LYRM4: variants seen among roughly 807,000 people sequenced by gnomAD.
LYRM4 encodes the protein LYR motif-containing protein 4.
In LYRM4, 9 loss-of-function variants were observed where a neutral mutation model predicts 11.7. The observed-to-expected ratio is 0.77, with a 90% CI of 0.46 to 1.34. The LOEUF is 1.34. Ranked by LOEUF, LYRM4 falls within the 40% of genes most tolerant of loss-of-function variation. The pLI, the probability that LYRM4 is intolerant of heterozygous loss-of-function variation, is 0.00. For synonymous variants in LYRM4, 42 were observed against 40.4 expected (o/e 1.04, Z -0.15); for missense variants, 133 against 112.5 (o/e 1.18, Z -0.82).
intron 2 of LYRM4, among the ~76,000 whole-genome samples, chr6:5,114,057 A>C (rs1581295878): frequency 6.6e-6 from 1 of 152,166 alleles, no homozygotes; most frequent in Non-Finnish European, 1.5e-5. Context: ...GTGGCCAATG[A>C]GGTGTCAGCT....
At chr6:5,157,022 C>T (rs955809872) in intron 2 of LYRM4, among the ~76,000 whole-genome samples, 1 of 152,178 alleles carries the variant, frequency 6.6e-6, no homozygotes, top group African/African-American at 2.4e-5. Context: ...TAAAGCAATG[C>T]TAAGCCCACT....
chr6:5,214,395 T>G (rs892696073), intron 2 of LYRM4, among the ~76,000 whole-genome samples: 1 of 151,892 alleles, frequency 6.6e-6, no homozygotes, highest in Non-Finnish European at 1.5e-5. Context: ...ATAGGGAGTG[T>G]GAGGGAGAGG....
At chr6:5,246,600 C>T (rs2773308) in intron 1 of LYRM4, among the ~76,000 whole-genome samples, 47,137 of 152,026 alleles carry the variant, frequency 0.31, 9,803 homozygotes, top group African/African-American at 0.6. Flanking sequence ...GACACAGCCA[C>T]CCAGGTTAGA....
chr6:5,200,843 C>T (rs1336293988), intron 2 of LYRM4, among the ~76,000 whole-genome samples: 2 of 129,890 alleles, frequency 1.5e-5, no homozygotes, highest in African/African-American at 5.1e-5. Context: ...GTAGGTGGTT[C>T]TGACGTACAG....
At chr6:5,062,726 C>G in the LYRM4 span, among the ~76,000 whole-genome samples, 1 of 152,144 alleles carries the variant, frequency 6.6e-6, no homozygotes, top group Non-Finnish European at 1.5e-5. Flanking sequence ...AGGATCCAGG[C>G]GACTCTCAGG....
At chr6:5,039,771 G>A in the LYRM4 span, among the ~76,000 whole-genome samples, 1 of 152,140 alleles carries the variant, frequency 6.6e-6, no homozygotes, top group Non-Finnish European at 1.5e-5. Context: ...AAATTTAAAT[G>A]AGGTGAAAAG....
At chr6:5,099,684 C>T (rs1762443099), downstream of LYRM4, among the ~76,000 whole-genome samples, 1 of 152,112 alleles carries the variant, frequency 6.6e-6, no homozygotes, top group African/African-American at 2.4e-5. This position sits in a 1 kb window ranked among gnomAD's most constrained non-coding sequence, Gnocchi z 4.3. Flanking sequence ...CTCGAGCAAT[C>T]CTCCCACCTT....
At chr6:5,226,217 C>T (rs998538251) in intron 1 of LYRM4, among the ~76,000 whole-genome samples, 1 of 152,094 alleles carries the variant, frequency 6.6e-6, no homozygotes, top group Non-Finnish European at 1.5e-5. Flanking sequence ...AAAGCCTACC[C>T]TATTGTGAGA....
At chr6:5,085,681 GC>G in the LYRM4 span, 3 of 1,548,050 alleles carry the variant, frequency 1.9e-6, no homozygotes, top group Admixed American at 3.9e-5. Flanking sequence ...GGAAGAGGCC[GC>G]CCCCCAGGAG....
chr6:5,232,048 A>C (rs559254915), intron 1 of LYRM4, among the ~76,000 whole-genome samples: 3 of 152,240 alleles, frequency 2.0e-5, no homozygotes, highest in African/African-American at 7.2e-5. Context: ...TTTTCTTTTT[A>C]ATACTAACTA....
chr6:5,060,620 C>T, the LYRM4 span, among the ~76,000 whole-genome samples: 1 of 152,046 alleles, frequency 6.6e-6, no homozygotes, highest in African/African-American at 2.4e-5. Flanking sequence ...GTCTGCCTCT[C>T]GGGTTCAAGT....
At chr6:5,066,225 G>T in the LYRM4 span, 3 of 723,806 alleles carry the variant, frequency 4.1e-6, no homozygotes, top group Non-Finnish European at 7.7e-6. Context: ...CTACTTGCCA[G>T]ATAACACTTC....
the LYRM4 span, chr6:5,087,188 G>T: frequency 0.19 from 29,312 of 152,096 alleles, 5,292 homozygotes; most frequent in African/African-American, 0.49. Flanking sequence ...GTGTACAAAT[G>T]TCCTTTATAA....
intron 1 of LYRM4, among the ~76,000 whole-genome samples, chr6:5,235,987 C>T (rs1763516028): frequency 6.6e-6 from 1 of 152,134 alleles, no homozygotes; most frequent in Non-Finnish European, 1.5e-5. Context: ...TTGACACTAT[C>T]TGAGAGGGAA....
At chr6:5,241,385 G>T (rs935076478) in intron 1 of LYRM4, among the ~76,000 whole-genome samples, 2 of 152,230 alleles carry the variant, frequency 1.3e-5, no homozygotes, top group Non-Finnish European at 2.9e-5. Flanking sequence ...AGGGATTTGT[G>T]TAAGTATGGA....
chr6:5,085,428 A>T, the LYRM4 span: 3 of 1,259,770 alleles, frequency 2.4e-6, no homozygotes, highest in Admixed American at 7.0e-5. Context: ...CCGAGGAGTT[A>T]GTTAAGTCTC....
intron 2 of LYRM4, among the ~76,000 whole-genome samples, chr6:5,151,373 G>A (rs868337710): frequency 2.0e-5 from 3 of 152,076 alleles, no homozygotes; most frequent in Admixed American, 6.6e-5. Context: ...ATGAGCCACC[G>A]CACCCGGCCT....
At chr6:5,259,668 C>T (rs1247251010) in intron 1 of LYRM4, among the ~76,000 whole-genome samples, 2 of 152,194 alleles carry the variant, frequency 1.3e-5, no homozygotes, top group Non-Finnish European at 2.9e-5. Flanking sequence ...GTAGGCTCTG[C>T]TCTTATGACA....
the LYRM4 span, among the ~76,000 whole-genome samples, chr6:5,059,388 C>A: frequency 6.6e-6 from 1 of 151,578 alleles, no homozygotes; most frequent in Admixed American, 6.6e-5. Context: ...GAAGCACACT[C>A]CTCCCCTTTT....
Sources: allele counts gnomAD v4.1 joint callset (sites outside exome capture counted in the v4.1 genomes callset), GRCh38; gene constraint gnomAD v4.1.1; non-coding constraint Gnocchi (gnomAD v3.1); transcripts MANE v1.5; gene names NCBI Gene and HGNC (gene_info 2026-07-23, HGNC 2026-07-21).